Variants in RARB observed in about 807,000 individuals in gnomAD.
RARB encodes the protein HBV-activated protein.
In RARB, 17 loss-of-function variants were observed where a neutral mutation model predicts 51.9. The ratio of observed to expected loss-of-function variants is 0.33; its 90% CI spans 0.22 to 0.49. The LOEUF is 0.49. RARB is among the 20% of genes least tolerant of loss of function. The pLI, the probability that RARB is intolerant of heterozygous loss-of-function variation, is 0.99. For synonymous variants in RARB, 215 were observed against 195.4 expected (o/e 1.10, Z -0.84); for missense variants, 369 against 550.8 (o/e 0.67, Z 3.30).
At chr3:25,339,231 T>C (rs1298552104) in intron 5 of RARB, among the ~76,000 whole-genome samples, 1 of 152,200 alleles carries the variant, frequency 6.6e-6, no homozygotes, top group East Asian at 1.9e-4. Flanking sequence ...TAAAGCTGCC[T>C]CCTTCCATAT....
intron 5 of RARB, among the ~76,000 whole-genome samples, chr3:25,203,261 T>G (rs1701443619): frequency 6.6e-6 from 1 of 152,136 alleles, no homozygotes; most frequent in South Asian, 2.1e-4. Context: ...AACCCCTGCC[T>G]TTTTTTGTTT....
intron 2 of RARB, among the ~76,000 whole-genome samples, chr3:25,463,694 A>G (rs1273304848): frequency 6.6e-6 from 1 of 152,126 alleles, no homozygotes; most frequent in African/African-American, 2.4e-5. Context: ...AAATGCGTAA[A>G]TGTCACTCAG....
intron 2 of RARB, among the ~76,000 whole-genome samples, chr3:25,032,759 A>G (rs1697901683): frequency 6.6e-6 from 1 of 152,216 alleles, no homozygotes; most frequent in South Asian, 2.1e-4. Flanking sequence ...TGGAATTGCA[A>G]CTGAACCCAC....
intron 2 of RARB, among the ~76,000 whole-genome samples, chr3:24,946,143 T>C (rs1199819963): frequency 6.6e-6 from 1 of 151,452 alleles, no homozygotes; most frequent in Non-Finnish European, 1.5e-5. Context: ...CAGCTGCCTG[T>C]AGTCCCAGCT....
At chr3:25,427,015 A>G (rs1708012361), upstream of RARB, among the ~76,000 whole-genome samples, 1 of 152,254 alleles carries the variant, frequency 6.6e-6, no homozygotes, top group African/African-American at 2.4e-5. Flanking sequence ...CTGGTCCTTC[A>G]AAATGTAAAA....
intron 1 of RARB, among the ~76,000 whole-genome samples, chr3:25,446,885 TA>T (rs1409535306): frequency 6.6e-5 from 10 of 151,958 alleles, no homozygotes; most frequent in Non-Finnish European, 1.2e-4. Flanking sequence ...GTTTCTCATT[TA>T]TACTAATCTT....
At chr3:25,344,616 C>T (rs1362165146) in intron 5 of RARB, among the ~76,000 whole-genome samples, 1 of 152,154 alleles carries the variant, frequency 6.6e-6, no homozygotes, top group Non-Finnish European at 1.5e-5. Context: ...TTGAAAGTTC[C>T]AAGATGGGAC....
At chr3:24,915,447 A>G (rs1038093406) in intron 2 of RARB, among the ~76,000 whole-genome samples, 58 of 152,328 alleles carry the variant, frequency 3.8e-4, no homozygotes, top group Admixed American at 1.2e-3. Context: ...CTGAGGAGCT[A>G]TATTTCCACT....
intron 5 of RARB, among the ~76,000 whole-genome samples, chr3:25,181,434 C>G (rs1181968127): frequency 6.6e-6 from 1 of 152,112 alleles, no homozygotes; most frequent in Non-Finnish European, 1.5e-5. Flanking sequence ...ATGATTGAAT[C>G]AATGGTTTTT....
At chr3:24,991,456 AAAAG>A (rs1228642025) in intron 2 of RARB, among the ~76,000 whole-genome samples, 6 of 147,702 alleles carry the variant, frequency 4.1e-5, no homozygotes, top group Non-Finnish European at 5.9e-5. Context: ...AAAAAAAAGA[AAAAG>A]AAAAAGAAAA....
chr3:24,870,588 T>G (rs1443283930), intron 2 of RARB, among the ~76,000 whole-genome samples: 1 of 152,116 alleles, frequency 6.6e-6, no homozygotes, highest in African/African-American at 2.4e-5. Flanking sequence ...TCCAGAAACT[T>G]TAGAAACTAA....
chr3:25,196,538 C>T (rs1279597310), intron 5 of RARB, among the ~76,000 whole-genome samples: 1 of 152,128 alleles, frequency 6.6e-6, no homozygotes, highest in Non-Finnish European at 1.5e-5. Context: ...CATACGTGGG[C>T]ATGTGTCTTT....
intron 5 of RARB, among the ~76,000 whole-genome samples, chr3:25,284,831 CACAG>C (rs1703610645): frequency 6.6e-6 from 1 of 152,156 alleles, no homozygotes; most frequent in Non-Finnish European, 1.5e-5. Context: ...AAGCTAGGTA[CACAG>C]AAGGCTAACA....
intron 5 of RARB, among the ~76,000 whole-genome samples, chr3:25,331,702 C>CA (rs1445554992): frequency 2.0e-5 from 3 of 151,906 alleles, no homozygotes; most frequent in Non-Finnish European, 4.4e-5. Flanking sequence ...GATAGAGACA[C>CA]AAAAAACCCT....
chr3:25,411,306 A>G (rs73820480), intron 5 of RARB, among the ~76,000 whole-genome samples: 3,239 of 152,270 alleles, frequency 0.021, 123 homozygotes, highest in African/African-American at 0.074. Flanking sequence ...TACAGAGACC[A>G]GGTTTTGGTG....
chr3:25,351,140 A>G (rs2125457289), intron 5 of RARB, among the ~76,000 whole-genome samples: 1 of 152,260 alleles, frequency 6.6e-6, no homozygotes, highest in East Asian at 1.9e-4. Flanking sequence ...AAGACTGGTT[A>G]GTGAGCATTA....
chr3:25,162,539 CA>C (rs1360312802), intron 4 of RARB, among the ~76,000 whole-genome samples: 2 of 152,166 alleles, frequency 1.3e-5, no homozygotes, highest in African/African-American at 4.8e-5. Context: ...ATATTTTCAT[CA>C]CTCTAAAAAG....
chr3:25,000,584 A>G lies in RARB; in HGVS notation c.-379-59541A>G, dbSNP rs553737833. Reference sequence around the variant, plus strand: ...AAATCTTTTAAAATTGGTGACTGTAATTTATTCTGTACCCCTGGTCTCTAA... The same window carrying G: ...AAATCTTTTAAAATTGGTGACTGTAGTTTATTCTGTACCCCTGGTCTCTAA... On this transcript the variant is annotated intron_variant, in intron 2 of 11. Coordinates refer to the RARB transcript ENST00000383772. Among the ~76,000 whole-genome samples, 3 of 152,202 alleles carry G rather than the reference A, an allele frequency of 2.0e-5. No individual in the cohort carries two copies. In the South Asian group the frequency reaches 6.2e-4, roughly 32 times the overall value.
chr3:25,067,770 G>C (rs1461385848), intron 3 of RARB, among the ~76,000 whole-genome samples: 1 of 152,030 alleles, frequency 6.6e-6, no homozygotes, highest in Non-Finnish European at 1.5e-5. Flanking sequence ...AGGCTGTCAG[G>C]TTATATCTGT....
Sources: gnomAD v4.1 joint callset for allele counts (sites outside exome capture counted in the v4.1 genomes callset) on GRCh38, gnomAD v4.1.1 for gene constraint, MANE v1.5 for transcripts, NCBI Gene and HGNC (gene_info 2026-07-23, HGNC 2026-07-21) for gene names.